LAMA1: variants seen among roughly 807,000 people sequenced by gnomAD.
LAMA1 encodes the protein laminin subunit alpha 1.
In LAMA1, 219 loss-of-function variants were observed where a neutral mutation model predicts 348.7. That is an observed-to-expected ratio of 0.63 (90% CI 0.56 to 0.70). The LOEUF (loss-of-function observed/expected upper bound fraction) is 0.70, where lower values mean the gene tolerates loss of function less well. Among genes scored for constraint, LAMA1 ranks in the 30% least tolerant of loss-of-function variants. The pLI is 0.00. For synonymous variants in LAMA1, 1,487 were observed against 1,491.0 expected (o/e 1.00, Z 0.06); for missense variants, 3,744 against 3,888.0 (o/e 0.96, Z 0.99).
chr18:7,010,110 C>T, intron 26 of LAMA1, 90 bp downstream of exon 26: 2 of 1,475,502 alleles, frequency 1.4e-6, no homozygotes, highest in East Asian at 4.5e-5. Context: ...CCTGGCTGCT[C>T]ATTCTCTTAT....
intron 29 of LAMA1, among the ~76,000 whole-genome samples, chr18:7,004,260 C>T (rs1163038807): frequency 1.3e-5 from 2 of 152,150 alleles, no homozygotes; most frequent in East Asian, 1.9e-4. Flanking sequence ...TCCCAGAAGG[C>T]GGTGGTAGGG....
intron 42 of LAMA1, among the ~76,000 whole-genome samples, chr18:6,979,732 T>C (rs1373289604): frequency 2.6e-5 from 4 of 152,004 alleles, no homozygotes; most frequent in East Asian, 1.9e-4. Flanking sequence ...ACCCCATCTC[T>C]ACTAAAAATA....
intron 19 of LAMA1, among the ~76,000 whole-genome samples, chr18:7,019,760 C>T (rs770990601): frequency 2.7e-5 from 4 of 149,846 alleles, no homozygotes; most frequent in Admixed American, 6.7e-5. Context: ...CAGTTCACTG[C>T]CACCTCCGCC....
At chr18:7,038,430 C>T in intron 11 of LAMA1, 1 of 357,348 alleles carries the variant, frequency 2.8e-6, no homozygotes, top group East Asian at 7.3e-5. Context: ...CCTCCTACTC[C>T]TTAGCGTCTT....
intron 43 of LAMA1, 66 bp from the exon 44 acceptor site, chr18:6,977,947 T>C (rs2057690132): frequency 1.9e-5 from 30 of 1,548,488 alleles, no homozygotes; most frequent in Non-Finnish European, 1.9e-5. Context: ...AGATAATTAA[T>C]TGTCCATTAA....
At chr18:7,059,948 T>C (rs886325270) in intron 3 of LAMA1, among the ~76,000 whole-genome samples, 14 of 152,212 alleles carry the variant, frequency 9.2e-5, no homozygotes, top group African/African-American at 3.4e-4. Flanking sequence ...TATTAGAGAA[T>C]GAAATGTAAA....
chr18:7,107,143 G>C (rs1397304326), intron 1 of LAMA1, among the ~76,000 whole-genome samples: 1 of 141,084 alleles, frequency 7.1e-6, no homozygotes, highest in East Asian at 2.2e-4. Context: ...TTTTGAGACG[G>C]AGTCTCACTC....
intron 3 of LAMA1, among the ~76,000 whole-genome samples, chr18:7,077,475 G>A (rs780209914): frequency 3.3e-5 from 5 of 151,964 alleles, no homozygotes; most frequent in Non-Finnish European, 7.4e-5. Flanking sequence ...AAAGTGCTGG[G>A]ATTACAGGCA....
intron 57 of LAMA1, among the ~76,000 whole-genome samples, chr18:6,952,695 A>C (rs2057552381): frequency 6.6e-6 from 1 of 152,246 alleles, no homozygotes; most frequent in Non-Finnish European, 1.5e-5. Context: ...ATGAGATCTC[A>C]TGCCATCCCA....
rs180947149 is a variant in LAMA1, at chr18:7,039,134, A to T, written c.1423-184T>A. Among the ~76,000 whole-genome samples, 9 of 152,296 alleles carry T rather than the reference A, an allele frequency of 5.9e-5. No individual in the cohort carries two copies. In the East Asian group the frequency reaches 1.7e-3, roughly 29 times the overall value. ...GAGATTTTGAATTATATATAATTTG[A>T]TTTTGTACTCAAGAACAAGGCTGGA... is the stretch of plus-strand genomic sequence containing the variant. On this transcript the variant is annotated intron_variant, in intron 10 of 62. Transcript: ENST00000389658.
rs2143955266 is a variant in LAMA1, at chr18:6,941,924, C to T, written c.*155G>A. On this transcript the variant is annotated 3_prime_UTR_variant, in exon 63 of 63. Transcript: ENST00000389658. ...CCATTTAATGGAGGTATTTGTTGCACATGTGGTTTTAGTGTAACGTAAACA... is the reference window on the plus strand; with the variant it reads ...CCATTTAATGGAGGTATTTGTTGCATATGTGGTTTTAGTGTAACGTAAACA... 2.4e-6 allele frequency: 2 copies of T among 842,608 alleles called. No homozygotes were observed. The highest frequency in any genetic ancestry group is 2.5e-5 in the East Asian group (1 of 40,806). The allele number at this position is 842,608 out of a possible 1,614,324, so 52.2% of individuals were successfully genotyped here. A position where few individuals can be genotyped will look rare whatever the true frequency, so the allele number is the denominator to read the frequency against.
At chr18:7,110,205 A>G (rs1841794) in intron 1 of LAMA1, among the ~76,000 whole-genome samples, 28,327 of 150,052 alleles carry the variant, frequency 0.19, 3,034 homozygotes, top group African/African-American at 0.29. Flanking sequence ...AAAAAAAAAA[A>G]GCGGCTAGTT....
At chr18:6,961,418 A>T (rs2144007207) in intron 53 of LAMA1, among the ~76,000 whole-genome samples, 168 bp downstream of exon 53, 1 of 152,372 alleles carries the variant, frequency 6.6e-6, no homozygotes, top group African/African-American at 2.4e-5. Flanking sequence ...TCATTGATTC[A>T]TAATGGGATG....
At chr18:7,070,379 C>T (rs912366980) in intron 3 of LAMA1, among the ~76,000 whole-genome samples, 7 of 152,130 alleles carry the variant, frequency 4.6e-5, no homozygotes, top group Admixed American at 1.3e-4. Flanking sequence ...TGTAATGAGA[C>T]GCTCCAATTT....
chr18:7,023,843 T>A (rs538208755), intron 18 of LAMA1, among the ~76,000 whole-genome samples: 1 of 152,152 alleles, frequency 6.6e-6, no homozygotes, highest in Non-Finnish European at 1.5e-5. Context: ...TGTTTTTGTT[T>A]TGTTTTGTTT....
intron 61 of LAMA1, among the ~76,000 whole-genome samples, chr18:6,944,698 C>T (rs1032343774): frequency 7.2e-5 from 11 of 152,148 alleles, no homozygotes; most frequent in African/African-American, 2.7e-4. Context: ...AAGAACCTTA[C>T]TAACACATTG....
chr18:6,948,666 T>C, intron 59 of LAMA1, 110 bp from the exon 60 acceptor site: 1 of 1,254,888 alleles, frequency 8.0e-7, no homozygotes, highest in East Asian at 2.4e-5. Flanking sequence ...CATTAAAATG[T>C]AATCTTTTTG....
In LAMA1 at chr18:6,955,386, A is replaced by T; in HGVS notation, c.8174T>A (p.Ile2725Asn). ...QFGLTQNSHFILPFNQSAVRK... is the reference protein window; with the variant it reads ...QFGLTQNSHFNLPFNQSAVRK... ...GACAGCCGACTGATTAAAAGGCAAG[A>T]TGAAATGGCTGTTTTGTGTGAGACC... The change falls in exon 57 of 63, where the codon ATC becomes AAC. Residue 2725 changes from isoleucine (I) to asparagine (N), a missense_variant. Around this residue, in one of 3 missense-constraint regions of LAMA1, gnomAD observed 1,983 missense variants for 1,934.3 expected, o/e 1.03. Transcript: ENST00000389658. 1 of 1,614,132 alleles carries T rather than the reference A, an allele frequency of 6.2e-7. No homozygotes were observed. The highest frequency in any genetic ancestry group is 8.5e-7 in the Non-Finnish European group (1 of 1,180,002).
At chr18:6,995,564 CTGTCATTT>C in intron 33 of LAMA1, 118 bp from the exon 34 acceptor site, 1 of 695,340 alleles carries the variant, frequency 1.4e-6, no homozygotes, top group Non-Finnish European at 2.6e-6. Context: ...TTCCTTGGAA[CTGTCATTT>C]TAAAAAAAAA....
Sources: allele counts gnomAD v4.1 joint callset (sites outside exome capture counted in the v4.1 genomes callset), GRCh38; gene constraint gnomAD v4.1.1; regional missense constraint gnomAD v4.1.1; transcripts MANE v1.5; gene names NCBI Gene and HGNC (gene_info 2026-07-23, HGNC 2026-07-21).